The following BABAM2 variants were observed in gnomAD, a reference collection of about 807,000 sequenced individuals.
The protein encoded by BABAM2 is BRISC and BRCA1 A complex member 2.
BABAM2 carries 31 observed loss-of-function variants against 54.7 expected under a neutral mutation model. That is an observed-to-expected ratio of 0.57 (90% CI 0.43 to 0.77). The LOEUF is 0.77. Ranked by LOEUF, BABAM2 falls within the 30% of genes least tolerant of loss-of-function variation. BABAM2 has a pLI of 0.00. For missense variants in BABAM2, 364 were observed against 455.8 expected (o/e 0.80, Z 1.83); for synonymous variants, 167 against 162.9 (o/e 1.03, Z -0.19).
chr2:27,963,234 C>T (rs1292400097), intron 3 of BABAM2, among the ~76,000 whole-genome samples: 1 of 152,110 alleles, frequency 6.6e-6, no homozygotes, highest in South Asian at 2.1e-4. Context: ...CTTTGGGAGG[C>T]TGAAGCGGGT....
intron 6 of BABAM2, among the ~76,000 whole-genome samples, chr2:28,081,789 T>G (rs1160561419): frequency 1.3e-5 from 2 of 152,186 alleles, no homozygotes; most frequent in African/African-American, 4.8e-5. Flanking sequence ...TTCAGACCCA[T>G]TACCTTTCAG....
At chr2:28,313,758 A>C (rs563423424) in intron 11 of BABAM2, among the ~76,000 whole-genome samples, 1 of 152,314 alleles carries the variant, frequency 6.6e-6, no homozygotes, top group Non-Finnish European at 1.5e-5. Flanking sequence ...CTATATGCAG[A>C]ATATGTACAA....
intron 6 of BABAM2, among the ~76,000 whole-genome samples, chr2:28,059,483 A>G (rs1678693099): frequency 6.6e-6 from 1 of 152,176 alleles, no homozygotes; most frequent in Admixed American, 6.5e-5. Flanking sequence ...AGATTTGTCA[A>G]CTTTGTGTTA....
intron 10 of BABAM2, among the ~76,000 whole-genome samples, chr2:28,282,972 C>G (rs1053865457): frequency 8.0e-5 from 10 of 124,786 alleles, no homozygotes; most frequent in Non-Finnish European, 9.3e-5. Flanking sequence ...CATTCCAGCC[C>G]AGGCAGCAGA....
intron 10 of BABAM2, among the ~76,000 whole-genome samples, chr2:28,258,615 C>CTTTTTTT (rs70956008): frequency 0.56 from 54,991 of 98,422 alleles, 15,335 homozygotes; most frequent in East Asian, 0.87. Flanking sequence ...TTTTTCTTTT[C>CTTTTTTT]TTTTTTTTTT....
At chr2:27,992,109 G>A (rs1672824118) in intron 4 of BABAM2, among the ~76,000 whole-genome samples, 1 of 152,128 alleles carries the variant, frequency 6.6e-6, no homozygotes, top group African/African-American at 2.4e-5. Flanking sequence ...CTGTAGTTTT[G>A]ATTTGTGCTT....
chr2:28,132,179 C>G (rs1253735654), intron 7 of BABAM2, among the ~76,000 whole-genome samples: 3 of 150,824 alleles, frequency 2.0e-5, no homozygotes, highest in Admixed American at 2.0e-4. Flanking sequence ...CGTTCCGTCC[C>G]CCAGGCTGGA....
intron 3 of BABAM2, among the ~76,000 whole-genome samples, chr2:27,931,052 A>G (rs1181616275): frequency 2.0e-5 from 3 of 152,244 alleles, no homozygotes; most frequent in Non-Finnish European, 4.4e-5. Flanking sequence ...TCTTAGTACT[A>G]TATTCTGTAG....
intron 5 of BABAM2, among the ~76,000 whole-genome samples, chr2:28,043,362 C>A (rs1161233081): frequency 1.3e-5 from 2 of 152,098 alleles, no homozygotes; most frequent in African/African-American, 2.4e-5. Flanking sequence ...AACTCCTGAC[C>A]TTGTGATCCG....
chr2:27,915,036 G>A (rs919106703), intron 2 of BABAM2, among the ~76,000 whole-genome samples: 1 of 151,998 alleles, frequency 6.6e-6, no homozygotes, highest in Non-Finnish European at 1.5e-5. Context: ...AATTTCTGCT[G>A]TGTAACATGA....
chr2:28,310,332 A>C, intron 11 of BABAM2: 1 of 585,704 alleles, frequency 1.7e-6, no homozygotes, highest in Non-Finnish European at 2.9e-6. Context: ...TTTACAGCCC[A>C]GCTCAGTCTC....
chr2:28,338,535 G>A lies in BABAM2; in HGVS notation c.*22G>A, dbSNP rs375248335. On this transcript the variant is annotated 3_prime_UTR_variant, in exon 12 of 12. Coordinates refer to ENST00000379624, the MANE Select transcript of BABAM2 (RefSeq NM_199191.3). ...CTAGGAAACACCAGTCTTGAGAGGT[G>A]GCCAGCCAGACTGCCTGTCCACATG... The A allele has an allele frequency of 1.2e-6, 2 of 1,613,264 alleles. No homozygotes were observed. The highest frequency in any genetic ancestry group is 2.7e-5 in the African/African-American group (2 of 74,898).
At chr2:27,921,976 G>T (rs754307012) in intron 2 of BABAM2, among the ~76,000 whole-genome samples, 1 of 152,074 alleles carries the variant, frequency 6.6e-6, no homozygotes, top group Non-Finnish European at 1.5e-5. Flanking sequence ...CAAGATATAT[G>T]CATTCATTCA....
intron 7 of BABAM2, among the ~76,000 whole-genome samples, chr2:28,140,457 G>A (rs1304978526): frequency 1.3e-5 from 2 of 152,038 alleles, no homozygotes; most frequent in Non-Finnish European, 2.9e-5. Context: ...ATTCTCTGTT[G>A]TCACGGTGAA....
At chr2:28,315,976 C>T (rs187788730) in intron 11 of BABAM2, among the ~76,000 whole-genome samples, 4 of 152,152 alleles carry the variant, frequency 2.6e-5, no homozygotes, top group East Asian at 1.9e-4. Context: ...CCTTCTTTGC[C>T]GCCTCCATGT....
chr2:28,335,725 G>C (rs1469002282), intron 11 of BABAM2, among the ~76,000 whole-genome samples: 2 of 152,198 alleles, frequency 1.3e-5, no homozygotes, highest in Non-Finnish European at 2.9e-5. Flanking sequence ...GACCAGGGGA[G>C]ACTTGATGGA....
intron 9 of BABAM2, 88 bp downstream of exon 9, chr2:28,241,481 C>A: frequency 2.4e-6 from 3 of 1,250,590 alleles, no homozygotes; most frequent in Non-Finnish European, 2.3e-6. Flanking sequence ...GAAAATAGCA[C>A]TTAGTTCTTA....
chr2:28,124,556 C>CA (rs1558360098), intron 6 of BABAM2, among the ~76,000 whole-genome samples: 1 of 151,870 alleles, frequency 6.6e-6, no homozygotes, highest in Non-Finnish European at 1.5e-5. Flanking sequence ...TTATTGGTGA[C>CA]AAAAAAATTT....
intron 7 of BABAM2, among the ~76,000 whole-genome samples, chr2:28,204,798 A>G (rs910888938): frequency 1.3e-5 from 2 of 152,212 alleles, no homozygotes; most frequent in African/African-American, 4.8e-5. Context: ...TGACAGAAGT[A>G]GTATTTTGAA....
Sources: allele counts gnomAD v4.1 joint callset (sites outside exome capture counted in the v4.1 genomes callset), GRCh38; gene constraint gnomAD v4.1.1; transcripts MANE v1.5; gene names NCBI Gene and HGNC (gene_info 2026-07-23, HGNC 2026-07-21).